Variants in ADAM32 observed in about 807,000 individuals in gnomAD.
ADAM32 encodes ADAM metallopeptidase domain 32.
Under a neutral mutation model 114.9 loss-of-function variants are expected in ADAM32, and 89 were observed. The observed-to-expected ratio is 0.77, with a 90% CI of 0.65 to 0.92. The LOEUF is 0.92. Ranked by LOEUF, ADAM32 falls within the 40% of genes least tolerant of loss-of-function variation. ADAM32 has a pLI of 0.00. For missense variants in ADAM32, 870 were observed against 932.8 expected, an observed-to-expected ratio of 0.93 and a Z score of 0.88; for synonymous variants, 285 against 307.5, an observed-to-expected ratio of 0.93 and a Z score of 0.77.
In ADAM32 at chr8:39,187,033, A is replaced by C. The variant is rs1806286795; in HGVS notation, c.1040A>C (p.Asn347Thr). The C allele has an allele frequency of 6.2e-7, 1 of 1,605,832 alleles. No individual in the cohort carries two copies. The highest frequency in any genetic ancestry group is 8.5e-7 in the Non-Finnish European group (1 of 1,177,296). ...TGTTCAGAATCCACCTGTATAATGA[A>C]TCCAGAAGTTGTGTAAGTTTTAACA... ...CQCSESTCIM[N>T]PEVVQSNGVK... The change falls in exon 11 of 25, where the codon AAT becomes ACT. Residue 347 changes from asparagine to threonine, a missense_variant. Transcript: ENST00000379907.
At chr8:39,139,378 C>A (rs1803003031) in intron 3 of ADAM32, among the ~76,000 whole-genome samples, 1 of 152,170 alleles carries the variant, frequency 6.6e-6, no homozygotes, top group South Asian at 2.1e-4. Flanking sequence ...GATCGAGTTT[C>A]AACTTTCTAT....
At chr8:39,230,711 G>A (rs1216569736) in intron 14 of ADAM32, among the ~76,000 whole-genome samples, 2 of 151,952 alleles carry the variant, frequency 1.3e-5, no homozygotes, top group East Asian at 1.9e-4. Context: ...GATAAGATGA[G>A]GGGAAAGCAA....
Position 39,205,431 on chromosome 8 carries a change from G to A in ADAM32, c.1053-5713G>A, listed in dbSNP as rs139921800. On this transcript the variant is annotated intron_variant, in intron 11 of 24. Coordinates refer to ENST00000379907, the MANE Select transcript of ADAM32 (RefSeq NM_145004.7). ...GGGCGTGGGACCCTCTGAGCCAGGC[G>A]TGGGATATAATCTCCTGCCGTTTGC... Among the ~76,000 whole-genome samples the A allele has an allele frequency of 7.9e-4, 121 of 152,352 alleles. No homozygotes were observed. In the East Asian group the frequency reaches 0.018, roughly 23 times the overall value.
intron 21 of ADAM32, among the ~76,000 whole-genome samples, chr8:39,275,047 C>T (rs554573929): frequency 3.3e-5 from 5 of 152,306 alleles, no homozygotes; most frequent in Admixed American, 6.5e-5. Flanking sequence ...TCCGGGTTCC[C>T]GTGCCTCCTG....
chr8:39,165,149 A>G lies in ADAM32; in HGVS notation c.786A>G (p.Lys262=). The G allele has an allele frequency of 6.2e-7, 1 of 1,600,068 alleles. No individual in the cohort carries two copies. Among genetic ancestry groups the G allele is most frequent in the South Asian group, 1.1e-5 (1 of 90,264 alleles). ...DELLQKFLEW[K]QSYLNLRPHD... ...TATTGCAAAAATTTTTAGAATGGAA[A>G]CAATCTTATCTTAACCTAAGGCCTC... Residue 262 remains lysine, a synonymous_variant, in exon 9 of 25, where the codon AAA becomes AAG. Coordinates refer to ENST00000379907, the MANE Select transcript of ADAM32 (RefSeq NM_145004.7).
intron 2 of ADAM32, among the ~76,000 whole-genome samples, chr8:39,131,141 A>G (rs1478837377): frequency 6.6e-6 from 1 of 151,892 alleles, no homozygotes; most frequent in Non-Finnish European, 1.5e-5. Context: ...TATTTTTAGT[A>G]GAGAGGGGAT....
chr8:39,270,547 C>A (rs1812646411), intron 19 of ADAM32, among the ~76,000 whole-genome samples: 1 of 151,990 alleles, frequency 6.6e-6, no homozygotes, highest in Admixed American at 6.5e-5. Context: ...AATAAAAAAC[C>A]AAAAGTTGGA....
intron 11 of ADAM32, among the ~76,000 whole-genome samples, chr8:39,203,670 C>G (rs1364314193): frequency 4.6e-5 from 7 of 152,190 alleles, no homozygotes; most frequent in Admixed American, 6.5e-5. Context: ...TTGATCCTGT[C>G]ATTATGATGT....
chr8:39,158,952 T>C (rs775023342), intron 6 of ADAM32, among the ~76,000 whole-genome samples: 1 of 152,174 alleles, frequency 6.6e-6, no homozygotes, highest in Admixed American at 6.5e-5. Flanking sequence ...TACATAGTTT[T>C]TCATAGCTTT....
At chr8:39,273,616 C>G (rs1419537075) in intron 20 of ADAM32, among the ~76,000 whole-genome samples, 5 of 152,200 alleles carry the variant, frequency 3.3e-5, no homozygotes, top group Non-Finnish European at 5.9e-5. Context: ...GTATTTTGTA[C>G]TGTACATAAT....
chr8:39,164,816 T>C lies in ADAM32; in HGVS notation c.647T>C (p.Ile216Thr), dbSNP rs1804725979. ...SMIVTNKVIE[I>T]VGLANSMFTQ... ...ATAGTAACAAATAAAGTCATCGAAATTGTTGGCCTTGCAAATTCAGTAAGT... is the reference window on the plus strand; with the variant it reads ...ATAGTAACAAATAAAGTCATCGAAACTGTTGGCCTTGCAAATTCAGTAAGT... The change falls in exon 8 of 25, where the codon ATT (isoleucine) becomes ACT (threonine). Residue 216 changes from isoleucine to threonine, a missense_variant. Transcript: ENST00000379907. 1.2e-6 allele frequency: 2 copies of C among 1,607,678 alleles called. No individual in the cohort carries two copies. Among genetic ancestry groups the C allele is most frequent in the Non-Finnish European group, 1.7e-6 (2 of 1,176,970 alleles).
At chr8:39,221,340 C>G (rs1808946104) in intron 12 of ADAM32, 2 of 313,162 alleles carry the variant, frequency 6.4e-6, no homozygotes, top group African/African-American at 2.2e-5. Context: ...TGAGGTCTCG[C>G]TTTTTATCCA....
intron 9 of ADAM32, 127 bp from the exon 10 acceptor site, chr8:39,169,789 G>T: frequency 1.6e-6 from 1 of 606,308 alleles, no homozygotes; most frequent in Non-Finnish European, 2.8e-6. Context: ...GAGGACATAT[G>T]GAAAGATCAT....
intron 1 of ADAM32, among the ~76,000 whole-genome samples, chr8:39,110,116 C>T (rs1416605600): frequency 2.0e-5 from 3 of 152,148 alleles, no homozygotes; most frequent in Non-Finnish European, 4.4e-5. Context: ...GTCGCCCAGG[C>T]TGGAGTGCAG....
chr8:39,260,973 G>T (rs1424358910), intron 19 of ADAM32, among the ~76,000 whole-genome samples: 3 of 151,654 alleles, frequency 2.0e-5, no homozygotes, highest in Non-Finnish European at 4.4e-5. Flanking sequence ...CATATCCATG[G>T]GGCACACAGG....
chr8:39,174,801 ATTCT>A (rs148273799), intron 10 of ADAM32, among the ~76,000 whole-genome samples: 37,240 of 151,500 alleles, frequency 0.25, 4,895 homozygotes, highest in Non-Finnish European at 0.29. Flanking sequence ...CATGATATTG[ATTCT>A]TTCTATTTAT....
intron 1 of ADAM32, among the ~76,000 whole-genome samples, chr8:39,109,261 G>A (rs183967226): frequency 6.6e-6 from 1 of 152,286 alleles, no homozygotes; most frequent in African/African-American, 2.4e-5. Flanking sequence ...AAAAGTAACG[G>A]CCAGGCGTGG....
At chr8:39,128,321 G>T (rs778717217) in intron 2 of ADAM32, among the ~76,000 whole-genome samples, 2 of 151,874 alleles carry the variant, frequency 1.3e-5, no homozygotes, top group African/African-American at 4.8e-5. Flanking sequence ...AGTCTGTTTT[G>T]TCAGAAACTA....
At chr8:39,178,432 T>A (rs191793217) in intron 10 of ADAM32, among the ~76,000 whole-genome samples, 119 of 152,350 alleles carry the variant, frequency 7.8e-4, no homozygotes, top group African/African-American at 2.7e-3. Context: ...TTATTATGAT[T>A]GTTAGCTTCT....
Sources: allele counts gnomAD v4.1 joint callset (sites outside exome capture counted in the v4.1 genomes callset), GRCh38; gene constraint gnomAD v4.1.1; transcripts MANE v1.5; gene names NCBI Gene and HGNC (gene_info 2026-07-23, HGNC 2026-07-21).